Variants in FUBP1 observed in about 807,000 individuals in gnomAD.
The protein encoded by FUBP1 is far upstream element-binding protein 1.
Under a neutral mutation model 94.9 loss-of-function variants are expected in FUBP1, and 16 were observed. The ratio of observed to expected loss-of-function variants is 0.17; its 90% confidence interval spans 0.11 to 0.26. The LOEUF (loss-of-function observed/expected upper bound fraction) is 0.26, where lower values mean the gene tolerates loss of function less well. Among genes scored for constraint, FUBP1 ranks in the 10% least tolerant of loss-of-function variants. The pLI, the probability that FUBP1 is intolerant of heterozygous loss-of-function variation, is 1.00. For synonymous variants in FUBP1, 279 were observed against 254.9 expected (o/e 1.09, Z -0.90); for missense variants, 583 against 808.6 (o/e 0.72, Z 3.38).
At chr1:77,970,411 CAT>C (rs1360618384) in intron 1 of FUBP1, among the ~76,000 whole-genome samples, 2 of 152,008 alleles carry the variant, frequency 1.3e-5, no homozygotes, top group Non-Finnish European at 2.9e-5. Context: ...AGCCACTAGC[CAT>C]ATGTGGTTAT....
Position 77,945,770 on chromosome 1 carries a change from C to A in FUBP1, c.*2996G>T. The stretch of plus-strand genomic sequence containing the variant: ...AAACTGATAAGATGCTGCTTTCATA[C>A]ATTCAACTTAACTCAAAATATGTAC... On this transcript the variant is annotated 3_prime_UTR_variant, in exon 20 of 20. Transcript: ENST00000370768. 1 of 213,248 alleles carries A rather than the reference C, an allele frequency of 4.7e-6. No homozygotes were observed. 13.2% of individuals were successfully genotyped at this position (213,248 alleles called of 1,614,324 possible).
chr1:77,970,201 T>C (rs571820732), intron 1 of FUBP1, among the ~76,000 whole-genome samples, 186 bp from the exon 2 acceptor site: 2 of 152,308 alleles, frequency 1.3e-5, no homozygotes, highest in South Asian at 2.1e-4. Context: ...GTTAACATAA[T>C]AATCATAAGA....
chr1:77,979,184 T>G, upstream of FUBP1: 1 of 630,930 alleles, frequency 1.6e-6, no homozygotes, highest in South Asian at 2.0e-5. Context: ...CGCGCTGGTG[T>G]GGGTTAGGGC....
In FUBP1 at chr1:77,954,122, G is replaced by A. The variant is rs140154544; in HGVS notation, c.1780+1133C>T. On this transcript the variant is annotated intron_variant, in intron 18 of 19. Coordinates refer to ENST00000370768, the MANE Select transcript of FUBP1 (RefSeq NM_003902.5). Reference sequence around the variant, plus strand: ...ACTACAAGTGTGTGCCACCGCACGTGGCTCATGCTCAAGTCTTTTAAAATG... The same window carrying A: ...ACTACAAGTGTGTGCCACCGCACGTAGCTCATGCTCAAGTCTTTTAAAATG... Among the ~76,000 whole-genome samples the A allele has an allele frequency of 1.1e-3, 162 of 152,224 alleles. 1 individual carries two copies. Among genetic ancestry groups the A allele is most frequent in the African/African-American group, 3.8e-3 (159 of 41,532 alleles).
chr1:77,965,304 A>C (rs1320823728), intron 7 of FUBP1, 73 bp from the exon 8 acceptor site: 17 of 1,023,410 alleles, frequency 1.7e-5, no homozygotes, highest in Middle Eastern at 2.2e-4. Context: ...AATATAAAAC[A>C]ATATAACCAA....
chr1:77,973,244 TTTAA>T (rs1218810618), intron 1 of FUBP1, among the ~76,000 whole-genome samples: 1 of 152,160 alleles, frequency 6.6e-6, no homozygotes, highest in Non-Finnish European at 1.5e-5. Context: ...TTTTACTTTA[TTTAA>T]TTATTATTAT....
Position 77,964,909 on chromosome 1 carries a change from G to C in FUBP1, c.696C>G (p.Asp232Glu), listed in dbSNP as rs1339970325. 2 of 1,611,674 alleles carry C rather than the reference G, an allele frequency of 1.2e-6. No individual in the cohort carries two copies. The highest frequency in any genetic ancestry group is 1.7e-5 in the Admixed American group (1 of 60,010). The part of the protein sequence containing the change: ...IQDGPQNTGA[D>E]KPLRITGDPY... The stretch of plus-strand genomic sequence containing the variant: ...GGTCTCCTGTAATCCTAAGAGGTTT[G>C]TCAGCACCAGTGTTCTGCGGCCCGT... The change falls in exon 9 of 20, where the codon GAC becomes GAG. Residue 232 changes from aspartate to glutamate, a missense_variant. Coordinates refer to ENST00000370768, the MANE Select transcript of FUBP1 (RefSeq NM_003902.5).
Position 77,946,605 on chromosome 1 carries a change from G to C in FUBP1, c.*2161C>G, listed in dbSNP as rs1408648827. 5.0e-6 allele frequency: 1 copy of C among 201,902 alleles called. No individual in the cohort carries two copies. The highest frequency in any genetic ancestry group is 2.3e-5 in the African/African-American group (1 of 43,496). The allele number at this position is 201,902 out of a possible 1,614,324, so 12.5% of individuals were successfully genotyped here. ...TGAAGTATAAATAATTGCACTGTTTGCAATTAATAAAGATTTTAAACCTTA... is the reference window on the plus strand; with the variant it reads ...TGAAGTATAAATAATTGCACTGTTTCCAATTAATAAAGATTTTAAACCTTA... On this transcript the variant is annotated 3_prime_UTR_variant, in exon 20 of 20. Coordinates refer to ENST00000370768, the MANE Select transcript of FUBP1 (RefSeq NM_003902.5).
chr1:77,957,669 G>A (rs1654714637), intron 16 of FUBP1, among the ~76,000 whole-genome samples: 1 of 152,120 alleles, frequency 6.6e-6, no homozygotes, highest in Admixed American at 6.5e-5. Context: ...TCAAGTTTGA[G>A]AAAAATGAGC....
At chr1:77,972,546 C>A (rs116517533) in intron 1 of FUBP1, among the ~76,000 whole-genome samples, 6,984 of 145,144 alleles carry the variant, frequency 0.048, 223 homozygotes, top group East Asian at 0.11. Context: ...TTCAGGAGTT[C>A]AAGACCAGCC....
At chr1:77,952,952 AC>A (rs1376120385) in intron 18 of FUBP1, among the ~76,000 whole-genome samples, 1 of 151,838 alleles carries the variant, frequency 6.6e-6, no homozygotes, top group Non-Finnish European at 1.5e-5. Context: ...AGCCTGGCCA[AC>A]ATGGTGAAAC....
intron 1 of FUBP1, among the ~76,000 whole-genome samples, chr1:77,976,900 G>A (rs1427484531): frequency 6.6e-6 from 1 of 152,116 alleles, no homozygotes; most frequent in Non-Finnish European, 1.5e-5. Flanking sequence ...CCATCTTCTA[G>A]CGACTTCACT....
intron 2 of FUBP1, 73 bp from the exon 3 acceptor site, chr1:77,968,276 TAAC>T (rs2102437606): frequency 1.2e-6 from 1 of 830,480 alleles, no homozygotes; most frequent in East Asian, 2.9e-5. Flanking sequence ...CAAGAATAAA[TAAC>T]AATATAAACA....
chr1:77,948,567 C>T lies in FUBP1; in HGVS notation c.*199G>A. 7 of 1,285,526 alleles carry T rather than the reference C, an allele frequency of 5.4e-6. No individual in the cohort carries two copies. The highest frequency in any genetic ancestry group is 6.0e-6 in the Non-Finnish European group (6 of 1,000,000). The allele number at this position is 1,285,526 out of a possible 1,614,324, so 79.6% of individuals were successfully genotyped here. A position where few individuals can be genotyped will look rare whatever the true frequency, so the allele number is the denominator to read the frequency against. The stretch of plus-strand genomic sequence containing the variant: ...TAAATACTAAAAACAAACCAATTTT[C>T]ATTTCTACACAGAAATATTAACCTC... On this transcript the variant is annotated 3_prime_UTR_variant, in exon 20 of 20. Coordinates refer to ENST00000370768, the MANE Select transcript of FUBP1 (RefSeq NM_003902.5).
chr1:77,960,538 T>A, intron 14 of FUBP1, 43 bp from the exon 15 acceptor site: 1 of 1,496,568 alleles, frequency 6.7e-7, no homozygotes, highest in Non-Finnish European at 9.1e-7. Context: ...AAAAACACAG[T>A]AATGGTTAAA....
At position 77,945,563 on chromosome 1, in the gene FUBP1, C is replaced by CA. The variant is rs1327035028; in HGVS notation, c.*3202dup. ...CATCGGCTCACCAATGGCATACACT[C>CA]AAAGGATTCCTCTTTATGGGTAACT... On this transcript the variant is annotated 3_prime_UTR_variant, in exon 20 of 20. Transcript: ENST00000370768. 4.7e-6 allele frequency: 1 copy of CA among 212,436 alleles called. No individual in the cohort carries two copies. Among genetic ancestry groups the CA allele is most frequent in the Non-Finnish European group, 9.5e-6 (1 of 104,840 alleles). 13.2% of individuals were successfully genotyped at this position (212,436 alleles called of 1,614,324 possible). A position where few individuals can be genotyped will look rare whatever the true frequency, so the allele number is the denominator to read the frequency against.
intron 18 of FUBP1, among the ~76,000 whole-genome samples, chr1:77,952,780 C>G (rs894993496): frequency 1.8e-4 from 27 of 152,146 alleles, no homozygotes; most frequent in Non-Finnish European, 3.2e-4. Flanking sequence ...AAATTGACTC[C>G]GTATGATGAT....
rs7548467 is a variant in FUBP1, at chr1:77,979,050, C to T, written c.-46G>A. 0.026 allele frequency: 39,015 copies of T among 1,529,544 alleles called. 594 individuals are homozygous for T. The highest frequency in any genetic ancestry group is 0.067 in the Middle Eastern group (383 of 5,702). The allele number at this position is 1,529,544 out of a possible 1,614,324, so 94.7% of individuals were successfully genotyped here. ...TGCCGCCTGTTCAGAGACTTCCTCT[C>T]AGCTAACAGCTAAGAAAGAAAGAAA... is the stretch of plus-strand genomic sequence containing the variant. On this transcript the variant is annotated 5_prime_UTR_variant, in exon 1 of 20. Transcript: ENST00000370768.
In FUBP1 at chr1:77,960,129, T is replaced by C. The variant is rs1557437019; in HGVS notation, c.1576+55A>G. ...GAATCAACACTAGAAAATTTAATAA[T>C]GTAACAGGAGTGGAAAATAATACAG... On this transcript the variant is annotated intron_variant, in intron 16 of 19. Coordinates refer to ENST00000370768, the MANE Select transcript of FUBP1 (RefSeq NM_003902.5). The C allele has an allele frequency of 3.2e-6, 4 of 1,231,108 alleles. No homozygotes were observed. In the East Asian group the frequency reaches 7.0e-5, roughly 21 times the overall value. 76.3% of individuals were successfully genotyped at this position (1,231,108 alleles called of 1,614,324 possible). A position where few individuals can be genotyped will look rare whatever the true frequency, so the allele number is the denominator to read the frequency against.
Sources: allele counts gnomAD v4.1 joint callset (sites outside exome capture counted in the v4.1 genomes callset), GRCh38; gene constraint gnomAD v4.1.1; transcripts MANE v1.5; gene names NCBI Gene and HGNC (gene_info 2026-07-23, HGNC 2026-07-21).